The following THADA variants were observed in gnomAD, a reference collection of about 807,000 sequenced individuals.
The protein encoded by THADA is tRNA (32-2'-O)-methyltransferase regulator THADA.
THADA carries 213 observed loss-of-function variants against 219.8 expected under a neutral mutation model. That is an observed-to-expected ratio of 0.97 (90% confidence interval 0.87 to 1.09). The LOEUF (loss-of-function observed/expected upper bound fraction) is 1.09. Ranked by LOEUF, THADA falls within the 50% of genes least tolerant of loss-of-function variation. The probability of loss-of-function intolerance (pLI) is 0.00; values close to 1 mark genes in which losing one functional copy is unlikely to be tolerated. For synonymous variants in THADA, 1,018 were observed against 828.9 expected (o/e 1.23, Z -3.92); for missense variants, 2,956 against 2,311.3 (o/e 1.28, Z -5.72).
chr2:43,448,396 C>G (rs1681852237), intron 26 of THADA, among the ~76,000 whole-genome samples: 1 of 152,180 alleles, frequency 6.6e-6, no homozygotes, highest in Non-Finnish European at 1.5e-5. Context: ...CTCCAAAAAT[C>G]TGGGGATCTG....
intron 26 of THADA, among the ~76,000 whole-genome samples, chr2:43,443,413 A>G (rs555966455): frequency 6.6e-6 from 1 of 152,370 alleles, no homozygotes; most frequent in Admixed American, 6.5e-5. Flanking sequence ...TTAAACACAA[A>G]TAAATAACGC....
chr2:43,291,074 G>T (rs1029091326), intron 34 of THADA, among the ~76,000 whole-genome samples: 1 of 151,954 alleles, frequency 6.6e-6, no homozygotes, highest in Non-Finnish European at 1.5e-5. Flanking sequence ...TCCAGCTAGA[G>T]AAATGGGGAA....
At chr2:43,591,356 G>A (rs755216412) in intron 3 of THADA, among the ~76,000 whole-genome samples, 10 of 151,986 alleles carry the variant, frequency 6.6e-5, no homozygotes, top group African/African-American at 1.2e-4. Context: ...TGTCAATTAC[G>A]TGAAATGTTT....
chr2:43,241,246 G>C (rs948562915), intron 36 of THADA, among the ~76,000 whole-genome samples: 1 of 151,786 alleles, frequency 6.6e-6, no homozygotes, highest in African/African-American at 2.4e-5. Context: ...AAACTACCAT[G>C]TCCCCCCTAA....
rs1338560216 is a variant in THADA, at chr2:43,438,313, A to AAC, written c.3837-8012_3837-8011insGT. Among the ~76,000 whole-genome samples the AAC allele has an allele frequency of 8.6e-5, 13 of 151,890 alleles. No homozygotes were observed. The East Asian group carries it at 9.7e-4, about 11-fold the overall frequency. ...CGACTCCATCTCAAAAAAAAAAAAA[A>AAC]AAAAACCCAAACTATGCCAAGAGAC... On this transcript the variant is annotated intron_variant, in intron 26 of 37. Coordinates refer to ENST00000405975, the MANE Select transcript of THADA (RefSeq NM_022065.5).
intron 31 of THADA, among the ~76,000 whole-genome samples, chr2:43,309,688 T>A (rs1677266467): frequency 6.6e-6 from 1 of 152,122 alleles, no homozygotes; most frequent in African/African-American, 2.4e-5. Flanking sequence ...ACAGCTAACA[T>A]CATACTTAAT....
intron 36 of THADA, among the ~76,000 whole-genome samples, chr2:43,276,845 A>G (rs1310471049): frequency 6.6e-6 from 1 of 152,072 alleles, no homozygotes; most frequent in African/African-American, 2.4e-5. Context: ...TGACTTCTAC[A>G]TCAGTGCCAG....
At chr2:43,444,197 C>G (rs1026575276) in intron 26 of THADA, among the ~76,000 whole-genome samples, 1 of 152,198 alleles carries the variant, frequency 6.6e-6, no homozygotes, top group Non-Finnish European at 1.5e-5. Flanking sequence ...CTACACCTCC[C>G]TCCTCATATA....
At chr2:43,572,300 T>C (rs561457993) in intron 12 of THADA, among the ~76,000 whole-genome samples, 1 of 152,346 alleles carries the variant, frequency 6.6e-6, no homozygotes, top group East Asian at 1.9e-4. Flanking sequence ...TAAAACCAGC[T>C]GGTGCCTGGG....
intron 29 of THADA, among the ~76,000 whole-genome samples, chr2:43,353,417 C>T (rs1668510668): frequency 6.6e-6 from 1 of 152,134 alleles, no homozygotes; most frequent in Admixed American, 6.5e-5. Flanking sequence ...CATCTGAATG[C>T]AAATCAAATG....
chr2:43,585,629 G>A (rs1700945935), intron 7 of THADA, among the ~76,000 whole-genome samples: 1 of 151,968 alleles, frequency 6.6e-6, no homozygotes, highest in Non-Finnish European at 1.5e-5. Context: ...TCTGAGGAAA[G>A]CTTCTAATAA....
chr2:43,428,033 A>G (rs891111875), intron 28 of THADA, 67 bp downstream of exon 28: 10 of 1,127,036 alleles, frequency 8.9e-6, no homozygotes. Flanking sequence ...TGAAATAAGA[A>G]GAAGATAAAA....
chr2:43,256,817 G>A (rs1670364180), intron 36 of THADA, among the ~76,000 whole-genome samples: 1 of 152,014 alleles, frequency 6.6e-6, no homozygotes, highest in Admixed American at 6.6e-5. Flanking sequence ...GGGCTCAAGT[G>A]ATCCTTCTAC....
chr2:43,499,549 G>A (rs1053051520), intron 24 of THADA, among the ~76,000 whole-genome samples: 2 of 151,964 alleles, frequency 1.3e-5, no homozygotes, highest in Admixed American at 6.6e-5. Context: ...GCTAAGTTTT[G>A]TATAATTAGT....
intron 26 of THADA, among the ~76,000 whole-genome samples, chr2:43,469,384 A>G (rs1684645109): frequency 6.6e-6 from 1 of 152,200 alleles, no homozygotes; most frequent in Non-Finnish European, 1.5e-5. Context: ...GGGCCTTGAA[A>G]GCTAAGCCGA....
At position 43,552,325 on chromosome 2, in the gene THADA, T is replaced by G; in HGVS notation, c.2689A>C (p.Met897Leu). 6.3e-7 allele frequency: 1 copy of G among 1,591,690 alleles called. No individual in the cohort carries two copies. The highest frequency in any genetic ancestry group is 2.2e-5 in the East Asian group (1 of 44,622). The change falls in exon 18 of 38, where the codon ATG becomes CTG. Residue 897 changes from methionine to leucine, a missense_variant. Coordinates refer to ENST00000405975, the MANE Select transcript of THADA (RefSeq NM_022065.5). ...RNTLMVIKCL[M>L]ENLEEEVSQA... ...GATACTTCTTCCTCAAGATTTTCCA[T>G]CAAGCATTTGATAACTAGAAAAAGC...
intron 22 of THADA, among the ~76,000 whole-genome samples, chr2:43,512,130 C>T (rs1451783044): frequency 6.6e-6 from 1 of 152,154 alleles, no homozygotes; most frequent in African/African-American, 2.4e-5. Context: ...TGGCAAAATG[C>T]CATCGATAGA....
At position 43,557,903 on chromosome 2, in the gene THADA, A is replaced by G. The variant is rs1361094403; in HGVS notation, c.2464-1348T>C. Among the ~76,000 whole-genome samples the G allele has an allele frequency of 9.2e-5, 14 of 152,372 alleles. No homozygotes were observed. The East Asian group carries it at 2.7e-3, about 29-fold the overall frequency. ...CTGATTTAAATATCTGTTTATTTCA[A>G]TTTAAATTCTTTACCATTTGATAAG... On this transcript the variant is annotated intron_variant, in intron 16 of 37. Transcript: ENST00000405975.
intron 34 of THADA, among the ~76,000 whole-genome samples, chr2:43,288,842 C>G (rs1448744707): frequency 6.6e-6 from 1 of 152,242 alleles, no homozygotes; most frequent in East Asian, 1.9e-4. Flanking sequence ...GTGGCCAATG[C>G]AGTGAACTCT....
Sources: gnomAD v4.1 joint callset for allele counts (sites outside exome capture counted in the v4.1 genomes callset) on GRCh38, gnomAD v4.1.1 for gene constraint, MANE v1.5 for transcripts, NCBI Gene and HGNC (gene_info 2026-07-23, HGNC 2026-07-21) for gene names.